Variants in TMTC2 observed in about 807,000 individuals in gnomAD.
The protein encoded by TMTC2 is transmembrane O-mannosyltransferase targeting cadherins 2, also known as protein O-mannosyl-transferase TMTC2.
Under a neutral mutation model 82.4 loss-of-function variants are expected in TMTC2, and 43 were observed. The observed-to-expected ratio is 0.52, with a 90% CI of 0.41 to 0.67. The LOEUF (loss-of-function observed/expected upper bound fraction) is 0.67. Among genes scored for constraint, TMTC2 ranks in the 30% least tolerant of loss-of-function variants. TMTC2 has a pLI of 0.00. For synonymous variants in TMTC2, 408 were observed against 381.9 expected (o/e 1.07, Z -0.80); for missense variants, 919 against 1,012.4 (o/e 0.91, Z 1.25).
intron 4 of TMTC2, among the ~76,000 whole-genome samples, chr12:82,953,991 A>G (rs1290629998): frequency 2.0e-5 from 3 of 152,192 alleles, no homozygotes; most frequent in Non-Finnish European, 4.4e-5. Flanking sequence ...GCCTATAAAC[A>G]TTGTTATCTG....
chr12:82,818,605 T>C (rs1397448532), intron 1 of TMTC2, among the ~76,000 whole-genome samples: 1 of 152,188 alleles, frequency 6.6e-6, no homozygotes, highest in Non-Finnish European at 1.5e-5. Context: ...TGTTTGATTG[T>C]GGACATGATG....
In TMTC2 at chr12:82,965,634, T is replaced by A. The variant is rs1878164113; in HGVS notation, c.1759T>A (p.Cys587Ser). 3.1e-6 allele frequency: 5 copies of A among 1,613,860 alleles called. No homozygotes were observed. The highest frequency in any genetic ancestry group is 4.2e-6 in the Non-Finnish European group (5 of 1,179,804). The change falls in exon 6 of 12, where the codon TGT becomes AGT. Residue 587 changes from cysteine (C) to serine (S), a missense_variant. Coordinates refer to ENST00000321196, the MANE Select transcript of TMTC2 (RefSeq NM_152588.3). ...AGAAGCCCGACGGACATTCTTAAAG[T>A]GTTCGGAGATCCCAGATGAAAACCT... ...TEEARRTFLK[C>S]SEIPDENLKD...
intron 1 of TMTC2, among the ~76,000 whole-genome samples, chr12:82,836,912 T>A (rs1870074759): frequency 6.6e-6 from 1 of 152,170 alleles, no homozygotes; most frequent in East Asian, 1.9e-4. Context: ...GTGTAGTAGG[T>A]TGTTCTTTCT....
chr12:82,975,129 A>G (rs979064282), intron 7 of TMTC2, among the ~76,000 whole-genome samples: 1 of 152,098 alleles, frequency 6.6e-6, no homozygotes, highest in African/African-American at 2.4e-5. Flanking sequence ...TGTCGGCCTA[A>G]TATCTTTTAG....
chr12:82,806,186 C>T (rs1879233668), intron 1 of TMTC2, among the ~76,000 whole-genome samples: 1 of 151,880 alleles, frequency 6.6e-6, no homozygotes, highest in South Asian at 2.1e-4. Flanking sequence ...CTAAGTGGTT[C>T]ACAACTGACA....
intron 9 of TMTC2, among the ~76,000 whole-genome samples, chr12:83,035,266 A>G (rs973060285): frequency 1.3e-5 from 2 of 152,306 alleles, no homozygotes; most frequent in East Asian, 3.9e-4. Flanking sequence ...TGTATCCACT[A>G]GTTTTGTTCG....
chr12:82,769,648 T>C (rs899517135), intron 1 of TMTC2, among the ~76,000 whole-genome samples: 1 of 152,146 alleles, frequency 6.6e-6, no homozygotes, highest in Non-Finnish European at 1.5e-5. Flanking sequence ...TCTTGCTCTG[T>C]CGCCCAGGCT....
At chr12:82,789,288 G>T (rs1878337698) in intron 1 of TMTC2, among the ~76,000 whole-genome samples, 1 of 152,120 alleles carries the variant, frequency 6.6e-6, no homozygotes, top group South Asian at 2.1e-4. Context: ...GGGGAAAAAA[G>T]AGAATTGCAA....
chr12:82,973,251 T>C (rs999111395), intron 7 of TMTC2, among the ~76,000 whole-genome samples: 1 of 152,194 alleles, frequency 6.6e-6, no homozygotes, highest in African/African-American at 2.4e-5. Flanking sequence ...ACCATATAAC[T>C]GGATTAGTCA....
intron 1 of TMTC2, among the ~76,000 whole-genome samples, chr12:82,713,888 C>T (rs1022638506): frequency 4.6e-5 from 7 of 152,206 alleles, no homozygotes; most frequent in Admixed American, 1.3e-4. Context: ...TGTAGAGTTA[C>T]AAGCAAATAG....
Position 83,060,192 on chromosome 12 carries a change from A to G in TMTC2, c.2268-1576A>G, listed in dbSNP as rs368774367. On this transcript the variant is annotated intron_variant, in intron 10 of 11. Transcript: ENST00000321196. ...CATGTCATGGGTCCAGTAGAGCCTT[A>G]GGTCAAGGGTTTTTACTTTCTTTAT... Among the ~76,000 whole-genome samples, 6 of 151,914 alleles carry G rather than the reference A, an allele frequency of 3.9e-5. No homozygotes were observed. The East Asian group carries it at 1.2e-3, about 29-fold the overall frequency.
intron 3 of TMTC2, among the ~76,000 whole-genome samples, chr12:82,906,393 G>A (rs529041638): frequency 1.9e-4 from 29 of 152,188 alleles, no homozygotes; most frequent in Admixed American, 2.6e-4. Flanking sequence ...GGCCAGACAC[G>A]GTGGCTCAAG....
At chr12:82,729,015 C>T (rs1026023694) in intron 1 of TMTC2, among the ~76,000 whole-genome samples, 17 of 152,236 alleles carry the variant, frequency 1.1e-4, no homozygotes, top group African/African-American at 2.2e-4. Context: ...CCTCACCCTG[C>T]GGCCTCCTGC....
At chr12:82,966,865 A>G (rs1225095718) in intron 6 of TMTC2, 54 bp from the exon 7 acceptor site, 18 of 1,285,466 alleles carry the variant, frequency 1.4e-5, no homozygotes, top group Non-Finnish European at 2.0e-5. Context: ...ATTTTCAGTG[A>G]CGATCCCTGC....
At chr12:82,926,271 G>A (rs1398943465) in intron 3 of TMTC2, among the ~76,000 whole-genome samples, 3 of 152,052 alleles carry the variant, frequency 2.0e-5, no homozygotes, top group Admixed American at 1.3e-4. Context: ...TAGCCACTGC[G>A]CCCGGCCACG....
At chr12:82,889,476 T>C (rs1052956253) in intron 2 of TMTC2, among the ~76,000 whole-genome samples, 5 of 152,110 alleles carry the variant, frequency 3.3e-5, no homozygotes, top group African/African-American at 1.2e-4. Flanking sequence ...ACACACAGAT[T>C]TGAAGCCATC....
chr12:82,769,597 GTGA>G (rs1248870793), intron 1 of TMTC2, among the ~76,000 whole-genome samples: 7 of 152,142 alleles, frequency 4.6e-5, no homozygotes, highest in Admixed American at 4.6e-4. Flanking sequence ...AAAGTCAGAA[GTGA>G]TGTTAAAGAC....
chr12:82,952,463 A>G (rs934867124), intron 4 of TMTC2, among the ~76,000 whole-genome samples: 1 of 152,050 alleles, frequency 6.6e-6, no homozygotes, highest in Non-Finnish European at 1.5e-5. Flanking sequence ...AAATTTCTCT[A>G]TGAGCGCTAT....
Position 82,843,306 on chromosome 12 carries a change from C to T in TMTC2, c.84-13704C>T, listed in dbSNP as rs139839554. Among the ~76,000 whole-genome samples, 1,120 of 151,888 alleles carry T rather than the reference C, an allele frequency of 7.4e-3. 10 individuals carry two copies. Among genetic ancestry groups the T allele is most frequent in the Middle Eastern group, 0.031 (9 of 294 alleles). On this transcript the variant is annotated intron_variant, in intron 1 of 11. Transcript: ENST00000321196. Reference sequence around the variant, plus strand: ...TTCACCATGTTGGCCAGGCTGGTCTCGAACTCCTGACTTCAAGTGATCTGC... The same window carrying T: ...TTCACCATGTTGGCCAGGCTGGTCTTGAACTCCTGACTTCAAGTGATCTGC...
Sources: allele counts gnomAD v4.1 joint callset (sites outside exome capture counted in the v4.1 genomes callset), GRCh38; gene constraint gnomAD v4.1.1; transcripts MANE v1.5; gene names NCBI Gene and HGNC (gene_info 2026-07-23, HGNC 2026-07-21).